The following FRAS1 variants were observed in gnomAD, a reference collection of about 807,000 sequenced individuals.
The protein encoded by FRAS1 is Fraser extracellular matrix complex subunit 1.
In FRAS1, 290 loss-of-function variants were observed where a neutral mutation model predicts 435.2. The ratio of observed to expected loss-of-function variants is 0.67; its 90% CI spans 0.61 to 0.73. The LOEUF is 0.73. FRAS1 is among the 30% of genes least tolerant of loss of function. FRAS1 has a pLI of 0.00. For synonymous variants in FRAS1, 1,800 were observed against 1,851.0 expected, an observed-to-expected ratio of 0.97 and a Z score of 0.71; for missense variants, 4,860 against 5,001.5, an observed-to-expected ratio of 0.97 and a Z score of 0.85.
chr4:78,098,278 T>C (rs1230506178), intron 2 of FRAS1, among the ~76,000 whole-genome samples: 5 of 145,976 alleles, frequency 3.4e-5, no homozygotes, highest in Non-Finnish European at 7.6e-5. Context: ...GATCTTTTCT[T>C]TTTTTTTTTT....
chr4:78,464,403 T>G (rs768165852), intron 48 of FRAS1, 40 bp from the exon 49 acceptor site: 2 of 1,612,854 alleles, frequency 1.2e-6, no homozygotes, highest in Non-Finnish European at 1.7e-6. Flanking sequence ...GGGTAGGTGC[T>G]AGGGACAGGT....
At chr4:78,235,894 A>G (rs923149123) in intron 2 of FRAS1, among the ~76,000 whole-genome samples, 5 of 152,204 alleles carry the variant, frequency 3.3e-5, no homozygotes, top group Admixed American at 2.6e-4. Context: ...GGCTGCAGTG[A>G]GCTGTGATCA....
chr4:78,304,949 A>T (rs908514688), intron 14 of FRAS1, among the ~76,000 whole-genome samples: 6 of 152,056 alleles, frequency 3.9e-5, no homozygotes, highest in African/African-American at 1.4e-4. Context: ...TTTAATTGTG[A>T]TGTCAGGGTG....
chr4:78,094,214 A>G lies in FRAS1; in HGVS notation c.108+28198A>G, dbSNP rs180901476. On this transcript the variant is annotated intron_variant, in intron 2 of 73. Coordinates refer to ENST00000512123, the MANE Select transcript of FRAS1 (RefSeq NM_025074.7). Reference sequence around the variant, plus strand: ...TTTTCAAAGAACTCTAGGCCACACAACATCTCTTGTATTAGGGAAAAAATG... The same window carrying G: ...TTTTCAAAGAACTCTAGGCCACACAGCATCTCTTGTATTAGGGAAAAAATG... Among the ~76,000 whole-genome samples the G allele has an allele frequency of 1.1e-3, 164 of 150,962 alleles. No homozygotes were observed. In the Middle Eastern group the frequency reaches 0.014, roughly 13 times the overall value.
intron 2 of FRAS1, among the ~76,000 whole-genome samples, chr4:78,127,201 G>T (rs556796010): frequency 6.6e-6 from 1 of 152,094 alleles, no homozygotes; most frequent in Non-Finnish European, 1.5e-5. Context: ...GAGGAATGAA[G>T]AACATATTGG....
chr4:78,077,818 G>C (rs1356960802), intron 2 of FRAS1, among the ~76,000 whole-genome samples: 1 of 151,956 alleles, frequency 6.6e-6, no homozygotes. Context: ...AACTTTTGAG[G>C]AGGAAGAACT....
intron 45 of FRAS1, among the ~76,000 whole-genome samples, chr4:78,451,038 C>T (rs1719002684): frequency 6.7e-6 from 1 of 148,316 alleles, no homozygotes; most frequent in African/African-American, 2.6e-5. Flanking sequence ...CAGCTGAATT[C>T]TCATTGGAAC....
intron 50 of FRAS1, among the ~76,000 whole-genome samples, chr4:78,468,961 C>G (rs748100180): frequency 2.6e-5 from 4 of 152,190 alleles, no homozygotes; most frequent in African/African-American, 4.8e-5. Context: ...GTGAGAAGGT[C>G]ATTCTCAGTT....
At chr4:78,396,058 A>G (rs927864694) in intron 29 of FRAS1, among the ~76,000 whole-genome samples, 2 of 152,066 alleles carry the variant, frequency 1.3e-5, no homozygotes, top group African/African-American at 4.8e-5. Flanking sequence ...TGAGGGTTAC[A>G]TAAAATATCT....
At chr4:78,466,931 AT>A (rs1719550606) in intron 50 of FRAS1, among the ~76,000 whole-genome samples, 1 of 152,028 alleles carries the variant, frequency 6.6e-6, no homozygotes, top group African/African-American at 2.4e-5. Context: ...TTTTAAAATA[AT>A]TTTTTATTTT....
intron 59 of FRAS1, among the ~76,000 whole-genome samples, chr4:78,493,606 G>A (rs1293896547): frequency 3.9e-5 from 6 of 152,040 alleles, no homozygotes; most frequent in South Asian, 4.2e-4. Flanking sequence ...GTTGAACAAT[G>A]AGAACACATG....
At chr4:78,280,437 A>C (rs1727278394) in intron 10 of FRAS1, among the ~76,000 whole-genome samples, 1 of 152,212 alleles carries the variant, frequency 6.6e-6, no homozygotes, top group South Asian at 2.1e-4. Flanking sequence ...ATGCAATTAA[A>C]AACTGATGAA....
intron 14 of FRAS1, among the ~76,000 whole-genome samples, chr4:78,300,210 C>T (rs1285433723): frequency 1.3e-5 from 2 of 152,198 alleles, no homozygotes; most frequent in African/African-American, 2.4e-5. Context: ...GCATCCACAT[C>T]TTTAACTATA....
intron 67 of FRAS1, among the ~76,000 whole-genome samples, chr4:78,520,189 C>G (rs1226660054): frequency 6.6e-6 from 1 of 152,048 alleles, no homozygotes; most frequent in Non-Finnish European, 1.5e-5. Context: ...CACATAGATG[C>G]TCCTTAAAAC....
intron 2 of FRAS1, among the ~76,000 whole-genome samples, chr4:78,145,869 C>T (rs1265663745): frequency 6.6e-6 from 1 of 152,124 alleles, no homozygotes; most frequent in Non-Finnish European, 1.5e-5. Context: ...TAAGTGAGTT[C>T]TCACGAGGTC....
At chr4:78,534,322 A>ATATT (rs921998008) in intron 70 of FRAS1, 127 bp from the exon 71 acceptor site, 2 of 671,036 alleles carry the variant, frequency 3.0e-6, no homozygotes, top group Non-Finnish European at 5.1e-6. Flanking sequence ...TATTCAGTGA[A>ATATT]TATTTAGTGC....
chr4:78,446,017 A>G (rs997763570), intron 42 of FRAS1: 16 of 1,236,238 alleles, frequency 1.3e-5, no homozygotes, highest in African/African-American at 6.2e-5. Context: ...ACATATGTCT[A>G]TGTTTCTCTG....
chr4:78,406,364 G>A (rs760598841), intron 30 of FRAS1, among the ~76,000 whole-genome samples: 47 of 152,186 alleles, frequency 3.1e-4, no homozygotes, highest in East Asian at 1.9e-4. Flanking sequence ...AGACTGGGAA[G>A]AGAAAGAGGT....
intron 2 of FRAS1, among the ~76,000 whole-genome samples, chr4:78,198,991 T>A (rs980962749): frequency 3.3e-5 from 5 of 152,210 alleles, no homozygotes; most frequent in African/African-American, 1.2e-4. Context: ...AGTTATAGTT[T>A]GGGGGAATCA....
Sources: gnomAD v4.1 joint callset for allele counts (sites outside exome capture counted in the v4.1 genomes callset) on GRCh38, gnomAD v4.1.1 for gene constraint, MANE v1.5 for transcripts, NCBI Gene and HGNC (gene_info 2026-07-23, HGNC 2026-07-21) for gene names.